Variants in GOLIM4 observed in about 807,000 individuals in gnomAD.
GOLIM4 encodes the protein golgi integral membrane protein 4.
A neutral mutation model predicts 107.4 loss-of-function variants in GOLIM4; 71 were observed. That is an observed-to-expected ratio of 0.66 (90% confidence interval 0.55 to 0.81). The LOEUF (loss-of-function observed/expected upper bound fraction) is 0.81. Ranked by LOEUF, GOLIM4 falls within the 30% of genes least tolerant of loss-of-function variation. GOLIM4 has a pLI of 0.00. For synonymous variants in GOLIM4, 327 were observed against 294.8 expected (o/e 1.11, Z -1.12); for missense variants, 830 against 826.1 (o/e 1.00, Z -0.06).
rs1049116370 is a variant in GOLIM4 at position 168,083,485 on chromosome 3, C to G, written c.187+11614G>C. ...CTGACTGGGTTTATTCAAAGAGTCACGTGGATTTTTAATTTTCCCAGGTCA... is the reference window on the plus strand; with the variant it reads ...CTGACTGGGTTTATTCAAAGAGTCAGGTGGATTTTTAATTTTCCCAGGTCA... On this transcript the variant is annotated intron_variant, in intron 1 of 15. Coordinates refer to ENST00000470487, the MANE Select transcript of GOLIM4 (RefSeq NM_014498.5). Among the ~76,000 whole-genome samples the G allele has an allele frequency of 2.6e-5, 4 of 152,122 alleles. No homozygotes were observed. In the South Asian group the frequency reaches 6.2e-4, roughly 24 times the overall value.
intron 14 of GOLIM4, among the ~76,000 whole-genome samples, chr3:168,021,067 G>C (rs1331347289): frequency 6.6e-6 from 1 of 152,078 alleles, no homozygotes; most frequent in African/African-American, 2.4e-5. Context: ...TATGTTCTAG[G>C]CATTTTAGAA....
rs1409115766 is a variant in GOLIM4, at chr3:168,010,009, A to AGG, written c.*259_*260insCC. 9.9e-6 allele frequency: 3 copies of AGG among 301,768 alleles called. No homozygotes were observed. The East Asian group carries it at 1.8e-4, about 18-fold the overall frequency. 18.7% of individuals were successfully genotyped at this position (301,768 alleles called of 1,614,324 possible). A position where few individuals can be genotyped will look rare whatever the true frequency, so the allele number is the denominator to read the frequency against. ...TTCCAACATCACATAATCTATTAAAAAAATTGGGACGTGGGGGCTCAGGTT... is the reference window on the plus strand; with the variant it reads ...TTCCAACATCACATAATCTATTAAAAGGAAATTGGGACGTGGGGGCTCAGGTT... On this transcript the variant is annotated 3_prime_UTR_variant, in exon 16 of 16. Transcript: ENST00000470487.
In GOLIM4 at chr3:168,027,727, C is replaced by G; in HGVS notation, c.1623+1G>C. On this transcript the variant is annotated splice_donor_variant, in intron 12 of 15. Coordinates refer to ENST00000470487, the MANE Select transcript of GOLIM4 (RefSeq NM_014498.5). LOFTEE classifies it high-confidence loss of function. ...TCAGGGGCAGAAGAGAGGATACTTA[C>G]ATCTGCCTCAGATTCTGGGTCGGCT... is the stretch of plus-strand genomic sequence containing the variant. 6.4e-7 allele frequency: 1 copy of G among 1,570,928 alleles called. No homozygotes were observed. The highest frequency in any genetic ancestry group is 8.8e-7 in the Non-Finnish European group (1 of 1,140,650).
chr3:168,024,653 G>T, intron 13 of GOLIM4, 59 bp from the exon 14 acceptor site: 1 of 1,338,140 alleles, frequency 7.5e-7, no homozygotes, highest in Non-Finnish European at 1.1e-6. Flanking sequence ...CTTTTACACA[G>T]TACTCTGGGA....
chr3:168,055,226 A>G (rs1719877089), intron 1 of GOLIM4, among the ~76,000 whole-genome samples: 1 of 152,192 alleles, frequency 6.6e-6, no homozygotes, highest in South Asian at 2.1e-4. Flanking sequence ...GCTCAGAAGA[A>G]GACAGAAAGA....
At chr3:168,010,877 A>G (rs373356306) in intron 14 of GOLIM4, 54 bp from the exon 15 acceptor site, 241 of 1,180,308 alleles carry the variant, frequency 2.0e-4, no homozygotes, top group Non-Finnish European at 2.8e-4. Context: ...AGCACTTGCG[A>G]TAATATATTT....
intron 14 of GOLIM4, among the ~76,000 whole-genome samples, chr3:168,011,160 C>G (rs552492322): frequency 6.7e-6 from 1 of 150,210 alleles, no homozygotes; most frequent in South Asian, 2.1e-4. Flanking sequence ...GAGTGCCAGA[C>G]AGTGGGTGCA....
intron 14 of GOLIM4, among the ~76,000 whole-genome samples, chr3:168,013,542 A>C (rs1251400691): frequency 7.2e-6 from 1 of 139,394 alleles, no homozygotes; most frequent in Non-Finnish European, 1.5e-5. Context: ...AAGCGAACCT[A>C]ATAGACATCT....
intron 1 of GOLIM4, among the ~76,000 whole-genome samples, chr3:168,085,970 T>C (rs1474367153): frequency 3.3e-5 from 5 of 152,140 alleles, no homozygotes; most frequent in African/African-American, 1.2e-4. Flanking sequence ...TTAAAGATTG[T>C]ATGGATACCT....
chr3:168,051,609 T>C (rs991225152), intron 1 of GOLIM4, among the ~76,000 whole-genome samples: 2 of 152,064 alleles, frequency 1.3e-5, no homozygotes, highest in South Asian at 4.1e-4. Flanking sequence ...TTTTTGCAAA[T>C]ACAGGAGAAA....
At chr3:168,062,098 A>T (rs1233049095) in intron 1 of GOLIM4, among the ~76,000 whole-genome samples, 1 of 152,212 alleles carries the variant, frequency 6.6e-6, no homozygotes, top group African/African-American at 2.4e-5. Flanking sequence ...AGAAATTTAC[A>T]TATGTCACTT....
At chr3:168,086,422 T>C (rs1038430052) in intron 1 of GOLIM4, among the ~76,000 whole-genome samples, 3 of 152,196 alleles carry the variant, frequency 2.0e-5, no homozygotes, top group Admixed American at 6.5e-5. Flanking sequence ...TTTTTTCTGT[T>C]TGTAACAAAG....
intron 5 of GOLIM4, among the ~76,000 whole-genome samples, chr3:168,042,341 G>A (rs1354253216): frequency 1.3e-5 from 2 of 152,002 alleles, no homozygotes; most frequent in East Asian, 1.9e-4. Flanking sequence ...ATTTTAGTGC[G>A]ATCTTGGCTC....
intron 11 of GOLIM4, among the ~76,000 whole-genome samples, chr3:168,028,455 G>GT (rs762805079): frequency 6.6e-6 from 1 of 152,188 alleles, no homozygotes; most frequent in Non-Finnish European, 1.5e-5. Context: ...TTTAAAACAA[G>GT]TAAGATAGAA....
chr3:168,048,026 T>C (rs1206740509), intron 2 of GOLIM4, among the ~76,000 whole-genome samples: 1 of 151,652 alleles, frequency 6.6e-6, no homozygotes. Context: ...AAAAATTATA[T>C]GTTATTCCTG....
chr3:168,061,702 CTGAA>C (rs1189238721), intron 1 of GOLIM4, among the ~76,000 whole-genome samples: 1 of 152,166 alleles, frequency 6.6e-6, no homozygotes. Flanking sequence ...GTGGTACTTA[CTGAA>C]TGATTACATT....
intron 1 of GOLIM4, among the ~76,000 whole-genome samples, chr3:168,068,464 C>T (rs1478849777): frequency 6.6e-6 from 1 of 152,026 alleles, no homozygotes; most frequent in Non-Finnish European, 1.5e-5. Flanking sequence ...AGGTATGCAA[C>T]TTACTGTTTA....
intron 10 of GOLIM4, 75 bp from the exon 11 acceptor site, chr3:168,029,377 T>A: frequency 1.1e-6 from 1 of 923,596 alleles, no homozygotes. Flanking sequence ...TCATTTATCT[T>A]TAAAGACAGT....
In GOLIM4 at chr3:168,012,070, T is replaced by C. The variant is rs547418139; in HGVS notation, c.1861-1247A>G. ...TGACATTGACGAGCTGAGAGAAGGC[T>C]TCAGACGATCAAATTACTCTGAGCT... On this transcript the variant is annotated intron_variant, in intron 14 of 15. Transcript: ENST00000470487. 1.8e-3 allele frequency among the ~76,000 whole-genome samples: 196 copies of C among 108,986 alleles called. 3 individuals are homozygous for C. Among genetic ancestry groups the C allele is most frequent in the East Asian group, 0.016 (77 of 4,800 alleles). The allele number at this position is 108,986 out of a possible 152,430, so 71.5% of individuals were successfully genotyped here. A position where few individuals can be genotyped will look rare whatever the true frequency, so the allele number is the denominator to read the frequency against.
Sources: gnomAD v4.1 joint callset for allele counts (sites outside exome capture counted in the v4.1 genomes callset) on GRCh38, gnomAD v4.1.1 for gene constraint, MANE v1.5 for transcripts, NCBI Gene and HGNC (gene_info 2026-07-23, HGNC 2026-07-21) for gene names.